Variants in COL24A1 observed in about 807,000 individuals in gnomAD.
The protein encoded by COL24A1 is collagen alpha-1(XXIV) chain.
A neutral mutation model predicts 253.9 loss-of-function variants in COL24A1; 224 were observed. That is an observed-to-expected ratio of 0.88 (90% CI 0.79 to 0.99). The LOEUF (loss-of-function observed/expected upper bound fraction) is 0.99, where lower values mean the gene tolerates loss of function less well. Ranked by LOEUF, COL24A1 falls within the 50% of genes least tolerant of loss-of-function variation. COL24A1 has a pLI of 0.00. For missense variants in COL24A1, 2,131 were observed against 2,068.5 expected (o/e 1.03, Z -0.59); for synonymous variants, 685 against 673.7 (o/e 1.02, Z -0.26).
At chr1:85,889,756 A>G in intron 31 of COL24A1, 143 bp from the exon 32 acceptor site, 1 of 711,018 alleles carries the variant, frequency 1.4e-6, no homozygotes, top group South Asian at 1.6e-5. Flanking sequence ...CTTTTGTGGT[A>G]AGATACACAC....
intron 24 of COL24A1, among the ~76,000 whole-genome samples, chr1:85,949,518 T>C (rs1451826037): frequency 6.6e-6 from 1 of 152,158 alleles, no homozygotes; most frequent in Non-Finnish European, 1.5e-5. Flanking sequence ...TTTGAACAAA[T>C]GTTTATTGAA....
chr1:86,011,565 G>A (rs1291883097), intron 19 of COL24A1, among the ~76,000 whole-genome samples: 2 of 152,148 alleles, frequency 1.3e-5, no homozygotes. Flanking sequence ...GTACTGCAAA[G>A]GCAATCCAGC....
intron 43 of COL24A1, among the ~76,000 whole-genome samples, chr1:85,824,675 C>T (rs1222299411): frequency 2.6e-5 from 4 of 152,120 alleles, no homozygotes. Context: ...CCACATTTCC[C>T]TTTTCAAGTG....
chr1:85,739,085 A>G (rs988799690), intron 57 of COL24A1, among the ~76,000 whole-genome samples: 5 of 152,196 alleles, frequency 3.3e-5, no homozygotes, highest in African/African-American at 1.2e-4. Flanking sequence ...CTAGTCCCTT[A>G]TCTTCAGAAT....
intron 47 of COL24A1, among the ~76,000 whole-genome samples, chr1:85,796,954 A>C (rs530713084): frequency 6.6e-6 from 1 of 152,040 alleles, no homozygotes; most frequent in South Asian, 2.1e-4. Context: ...TAATCCCAGC[A>C]CTTTGGGAGG....
intron 1 of COL24A1, chr1:86,156,116 C>G (rs1013541538): frequency 2.3e-6 from 1 of 435,940 alleles, no homozygotes; most frequent in Non-Finnish European, 4.1e-6. Context: ...CAAAAGATCG[C>G]TTTAGCATAA....
chr1:86,035,935 A>G (rs695051), intron 12 of COL24A1, among the ~76,000 whole-genome samples: 65,037 of 151,772 alleles, frequency 0.43, 14,603 homozygotes, highest in Middle Eastern at 0.63. Flanking sequence ...AGGGAAGATG[A>G]GAAAGAGAAG....
chr1:85,741,745 AT>A (rs1182833148), intron 57 of COL24A1, among the ~76,000 whole-genome samples: 1 of 152,246 alleles, frequency 6.6e-6, no homozygotes, highest in African/African-American at 2.4e-5. Context: ...AACTTAAAAA[AT>A]TAATTTAGCC....
At chr1:85,743,863 G>A (rs1483028797) in intron 57 of COL24A1, among the ~76,000 whole-genome samples, 6 of 152,048 alleles carry the variant, frequency 3.9e-5, no homozygotes, top group Non-Finnish European at 5.9e-5. Context: ...GTTCTAGAAC[G>A]GAAGCAGATG....
intron 23 of COL24A1, among the ~76,000 whole-genome samples, chr1:85,963,621 T>G (rs1019809490): frequency 5.3e-5 from 8 of 151,898 alleles, no homozygotes; most frequent in African/African-American, 1.9e-4. Context: ...CTTAAGCAAC[T>G]CCCCCAGGCA....
chr1:85,872,224 G>A (rs1680597667), intron 35 of COL24A1, among the ~76,000 whole-genome samples: 1 of 152,194 alleles, frequency 6.6e-6, no homozygotes, highest in African/African-American at 2.4e-5. Context: ...AACATTCCAT[G>A]CTCATGGATA....
At chr1:85,830,470 G>T (rs1174333891) in intron 43 of COL24A1, among the ~76,000 whole-genome samples, 1 of 152,164 alleles carries the variant, frequency 6.6e-6, no homozygotes, top group East Asian at 1.9e-4. Flanking sequence ...CTTCCCGGCT[G>T]CTTTGTTTAC....
intron 26 of COL24A1, 93 bp from the exon 27 acceptor site, chr1:85,908,744 A>C (rs1685084713): frequency 4.0e-6 from 2 of 505,376 alleles, no homozygotes; most frequent in South Asian, 1.1e-4. Context: ...AACAATAATA[A>C]AAAGGGATAA....
intron 32 of COL24A1, among the ~76,000 whole-genome samples, chr1:85,880,405 C>T (rs534730982): frequency 5.9e-5 from 9 of 152,084 alleles, no homozygotes; most frequent in African/African-American, 9.7e-5. Flanking sequence ...TTATTAGTTT[C>T]GGGAGTTTAA....
chr1:86,000,230 T>C (rs1458272979), intron 19 of COL24A1, among the ~76,000 whole-genome samples: 1 of 152,216 alleles, frequency 6.6e-6, no homozygotes, highest in Non-Finnish European at 1.5e-5. Flanking sequence ...CTATCTCTAC[T>C]AACACTGAAC....
chr1:85,770,298 C>G (rs1386423724), intron 53 of COL24A1, among the ~76,000 whole-genome samples: 2 of 121,134 alleles, frequency 1.7e-5, no homozygotes. Context: ...TCAAGCATAC[C>G]CTAAGATGAG....
chr1:86,065,829 TAAAAC>T, intron 7 of COL24A1, among the ~76,000 whole-genome samples: 1 of 150,710 alleles, frequency 6.6e-6, no homozygotes, highest in African/African-American at 2.4e-5. Context: ...TGAAGTTGAT[TAAAAC>T]AACAACAATA....
At chr1:86,060,498 A>T (rs1701006097) in intron 8 of COL24A1, among the ~76,000 whole-genome samples, 1 of 152,160 alleles carries the variant, frequency 6.6e-6, no homozygotes, top group Admixed American at 6.5e-5. Flanking sequence ...AAATTTGGAA[A>T]ATCTAGAGAA....
chr1:85,833,936 A>T (rs1197524230), intron 43 of COL24A1, among the ~76,000 whole-genome samples: 2 of 130,442 alleles, frequency 1.5e-5, no homozygotes, highest in Non-Finnish European at 3.2e-5. Flanking sequence ...GGGACACAGG[A>T]AGGGGAACAT....
Sources: gnomAD v4.1 joint callset for allele counts (sites outside exome capture counted in the v4.1 genomes callset) on GRCh38, gnomAD v4.1.1 for gene constraint, MANE v1.5 for transcripts, NCBI Gene and HGNC (gene_info 2026-07-23, HGNC 2026-07-21) for gene names.